NXPE1: variants seen among roughly 807,000 people sequenced by gnomAD.
NXPE1 encodes the protein neurexophilin and PC-esterase domain family member 1.
NXPE1 carries 31 observed loss-of-function variants against 33.3 expected under a neutral mutation model. The ratio of observed to expected loss-of-function variants is 0.93; its 90% confidence interval spans 0.70 to 1.26. The LOEUF is 1.26. NXPE1 is among the 50% of genes most tolerant of loss of function. The pLI, the probability that NXPE1 is intolerant of heterozygous loss-of-function variation, is 0.00. For synonymous variants in NXPE1, 229 were observed against 231.4 expected, an observed-to-expected ratio of 0.99 and a Z score of 0.09; for missense variants, 661 against 655.6, an observed-to-expected ratio of 1.01 and a Z score of -0.09.
chr11:114,550,422 A>C (rs1238921321), intron 5 of NXPE1, among the ~76,000 whole-genome samples: 2 of 152,192 alleles, frequency 1.3e-5, no homozygotes, highest in Admixed American at 6.5e-5. Flanking sequence ...AGACCTCATT[A>C]TATATACAAA....
intron 5 of NXPE1, among the ~76,000 whole-genome samples, chr11:114,535,211 C>G (rs1244620779): frequency 1.3e-5 from 2 of 151,994 alleles, no homozygotes; most frequent in Admixed American, 1.3e-4. Flanking sequence ...AAATACAATA[C>G]TTTACAGACA....
At chr11:114,528,873 G>A (rs1947464801) in intron 6 of NXPE1, 2 of 632,886 alleles carry the variant, frequency 3.2e-6, no homozygotes, top group South Asian at 3.5e-5. Context: ...TCCTTACTAG[G>A]ATTTAGGCAT....
chr11:114,559,083 T>A (rs1948719556), intron 1 of NXPE1, among the ~76,000 whole-genome samples: 1 of 152,158 alleles, frequency 6.6e-6, no homozygotes, highest in African/African-American at 2.4e-5. Context: ...TAAACATAAA[T>A]CTTTATCACA....
chr11:114,528,698 C>G (rs1321236884), intron 6 of NXPE1: 1 of 470,738 alleles, frequency 2.1e-6, no homozygotes, highest in Non-Finnish European at 3.9e-6. Context: ...CACTTTGTTT[C>G]AAACCTCTGT....
At chr11:114,528,880 G>A (rs1488428564) in intron 6 of NXPE1, 1 of 618,390 alleles carries the variant, frequency 1.6e-6, no homozygotes, top group Non-Finnish European at 3.0e-6. Flanking sequence ...TAGGATTTAG[G>A]CATAAGGATG....
In NXPE1 at chr11:114,551,549, G is replaced by A. The variant is rs567081911; in HGVS notation, c.-69-108C>T. ...GAGAAGCAGAAAACTTAATTCATCA[G>A]CATGTCTTTTGGGGGAAGATTAGGG... is the stretch of plus-strand genomic sequence containing the variant. On this transcript the variant is annotated intron_variant, in intron 3 of 8. Coordinates refer to ENST00000534921, the Ensembl canonical transcript of NXPE1. 1.3e-5 allele frequency: 4 copies of A among 312,312 alleles called. No homozygotes were observed. The South Asian group carries it at 4.8e-4, about 38-fold the overall frequency. The allele number at this position is 312,312 out of a possible 1,614,324, so 19.3% of individuals were successfully genotyped here. A position where few individuals can be genotyped will look rare whatever the true frequency, so the allele number is the denominator to read the frequency against.
At chr11:114,552,440 G>A (rs1211626004) in intron 2 of NXPE1, among the ~76,000 whole-genome samples, 1 of 152,144 alleles carries the variant, frequency 6.6e-6, no homozygotes, top group Non-Finnish European at 1.5e-5. Context: ...CATGTCCAGT[G>A]TCTAGCATGG....
At chr11:114,557,649 A>G (rs1202802196) in intron 1 of NXPE1, among the ~76,000 whole-genome samples, 68 of 47,450 alleles carry the variant, frequency 1.4e-3, no homozygotes, top group Non-Finnish European at 2.1e-3. Flanking sequence ...ATATATATAT[A>G]TATATATATA....
At chr11:114,539,056 T>G (rs1036593699) in intron 5 of NXPE1, among the ~76,000 whole-genome samples, 1 of 152,160 alleles carries the variant, frequency 6.6e-6, no homozygotes, top group African/African-American at 2.4e-5. Flanking sequence ...AATGATAGAC[T>G]GGATTAAGAA....
intron 1 of NXPE1, among the ~76,000 whole-genome samples, chr11:114,555,370 G>A (rs988998422): frequency 1.3e-5 from 2 of 152,106 alleles, no homozygotes; most frequent in African/African-American, 2.4e-5. Flanking sequence ...ACTACAACAG[G>A]TATGTGCCAC....
intron 5 of NXPE1, among the ~76,000 whole-genome samples, chr11:114,544,453 T>A (rs895329112): frequency 6.6e-6 from 1 of 152,180 alleles, no homozygotes; most frequent in Non-Finnish European, 1.5e-5. Context: ...ATTTTTGACA[T>A]AGGCACAAAG....
intron 5 of NXPE1, among the ~76,000 whole-genome samples, chr11:114,541,091 A>C (rs1319156630): frequency 6.6e-6 from 1 of 152,068 alleles, no homozygotes; most frequent in Non-Finnish European, 1.5e-5. Context: ...TGATTTACTT[A>C]TAACCACAGG....
At chr11:114,531,042 G>T in intron 5 of NXPE1, 134 bp from the exon 6 acceptor site, 2 of 939,114 alleles carry the variant, frequency 2.1e-6, no homozygotes, top group Middle Eastern at 2.3e-4. Flanking sequence ...TGAATATTTG[G>T]TAATAAAGTG....
intron 1 of NXPE1, among the ~76,000 whole-genome samples, chr11:114,555,840 G>A (rs1184606339): frequency 6.6e-6 from 1 of 152,144 alleles, no homozygotes; most frequent in Non-Finnish European, 1.5e-5. Context: ...GATTCATCAA[G>A]GTTGCATTTA....
At chr11:114,537,968 C>T (rs1947906730) in intron 5 of NXPE1, among the ~76,000 whole-genome samples, 2 of 152,166 alleles carry the variant, frequency 1.3e-5, no homozygotes, top group South Asian at 2.1e-4. Flanking sequence ...CCCACATTGC[C>T]AAGTCAATCC....
intron 5 of NXPE1, among the ~76,000 whole-genome samples, chr11:114,542,410 T>G (rs1432811025): frequency 6.6e-6 from 1 of 152,112 alleles, no homozygotes; most frequent in Non-Finnish European, 1.5e-5. Flanking sequence ...ACAACCAACA[T>G]AATTGAAAAG....
intron 6 of NXPE1, among the ~76,000 whole-genome samples, chr11:114,528,333 T>G (rs1455648): frequency 6.6e-6 from 1 of 152,178 alleles, no homozygotes; most frequent in Non-Finnish European, 1.5e-5. Context: ...CCTTTCTCAT[T>G]GCAAATCCAA....
chr11:114,522,727 A>C (rs901726376), intron 8 of NXPE1, 152 bp downstream of exon 8: 1 of 673,934 alleles, frequency 1.5e-6, no homozygotes, highest in Non-Finnish European at 2.5e-6. Flanking sequence ...CTTATGAAAG[A>C]AGGAATAAAA....
chr11:114,556,719 A>G (rs1351494172), intron 1 of NXPE1, among the ~76,000 whole-genome samples: 1 of 151,756 alleles, frequency 6.6e-6, no homozygotes, highest in Admixed American at 6.6e-5. Context: ...AGAGTTTAAT[A>G]CTGTTCTATG....
Sources: gnomAD v4.1 joint callset for allele counts (sites outside exome capture counted in the v4.1 genomes callset) on GRCh38, gnomAD v4.1.1 for gene constraint, MANE v1.5 for transcripts, NCBI Gene and HGNC (gene_info 2026-07-23, HGNC 2026-07-21) for gene names.